Variants in TMEM132C observed in about 807,000 individuals in gnomAD.
The protein encoded by TMEM132C is protein phosphatase 1, regulatory subunit 152.
A neutral mutation model predicts 61.4 loss-of-function variants in TMEM132C; 29 were observed. That is an observed-to-expected ratio of 0.47 (90% confidence interval 0.35 to 0.64). The LOEUF (loss-of-function observed/expected upper bound fraction) is 0.64. Among genes scored for constraint, TMEM132C ranks in the 30% least tolerant of loss-of-function variants. TMEM132C has a pLI of 0.00. For missense variants in TMEM132C, 1,408 were observed against 1,476.9 expected (o/e 0.95, Z 0.76); for synonymous variants, 656 against 633.1 (o/e 1.04, Z -0.54).
chr12:128,703,679 C>T (rs916411271), intron 8 of TMEM132C, among the ~76,000 whole-genome samples: 13 of 152,330 alleles, frequency 8.5e-5, no homozygotes, highest in African/African-American at 1.9e-4. Flanking sequence ...TTTGTGTCTT[C>T]GCTATTGTGA....
rs964423061 is a variant in TMEM132C at position 128,326,291 on chromosome 12, T to C, written c.85+58804T>C. On this transcript the variant is annotated intron_variant, in intron 1 of 8. Transcript: ENST00000435159. The surrounding 1 kb of genome is among the most constrained non-coding windows in gnomAD (Gnocchi z 5.6). ...CACTCCATGAACCCCCCAGCCTCCC[T>C]GGGCTCTTCTCCGTGTCCGATTCTC... Among the ~76,000 whole-genome samples the C allele has an allele frequency of 6.6e-6, 1 of 152,174 alleles. No homozygotes were observed. The highest frequency in any genetic ancestry group is 2.4e-5 in the African/African-American group (1 of 41,450).
rs891822993 is a variant in TMEM132C, at chr12:128,467,987, G to A, written c.974+52367G>A. On this transcript the variant is annotated intron_variant, in intron 2 of 8. Coordinates refer to ENST00000435159, the MANE Select transcript of TMEM132C (RefSeq NM_001136103.3). ...TGAACCTATGATAAACATGTGCTCT[G>A]TGATGCAGTGTGCAAGGACATCACT... Among the ~76,000 whole-genome samples, 6 of 152,356 alleles carry A rather than the reference G, an allele frequency of 3.9e-5. No individual in the cohort carries two copies. In the East Asian group the frequency reaches 1.2e-3, roughly 29 times the overall value.
chr12:128,361,819 T>C (rs1367662947), intron 1 of TMEM132C, among the ~76,000 whole-genome samples: 3 of 152,172 alleles, frequency 2.0e-5, no homozygotes, highest in Non-Finnish European at 4.4e-5. Context: ...ATAAGCTTTT[T>C]CTTCTAAGGA....
intron 2 of TMEM132C, among the ~76,000 whole-genome samples, chr12:128,455,699 T>C (rs1157274489): frequency 6.6e-6 from 1 of 152,192 alleles, no homozygotes; most frequent in Admixed American, 6.5e-5. Context: ...ACATCCATTG[T>C]ATTGGTGTTT....
chr12:128,300,741 A>G (rs1400200888), intron 1 of TMEM132C, among the ~76,000 whole-genome samples: 1 of 152,164 alleles, frequency 6.6e-6, no homozygotes, highest in Non-Finnish European at 1.5e-5. Flanking sequence ...GCGCCTATTA[A>G]AAACTCAGGC....
chr12:128,289,070 A>T (rs1160574978), intron 1 of TMEM132C: 1 of 152,262 alleles, frequency 6.6e-6, no homozygotes, highest in East Asian at 1.9e-4. Flanking sequence ...ACACTCATGA[A>T]CACACATGCA....
At chr12:128,447,174 CT>C (rs1340665668) in intron 2 of TMEM132C, among the ~76,000 whole-genome samples, 2 of 152,166 alleles carry the variant, frequency 1.3e-5, no homozygotes, top group Non-Finnish European at 2.9e-5. Flanking sequence ...GTGATCGCCC[CT>C]GTCCCTCCTG....
intron 2 of TMEM132C, among the ~76,000 whole-genome samples, chr12:128,435,810 A>G (rs1346524058): frequency 2.0e-5 from 3 of 152,244 alleles, no homozygotes; most frequent in East Asian, 3.8e-4. Flanking sequence ...TAAAGTTTAT[A>G]TGGAACCAAA....
At chr12:128,693,799 C>A in intron 5 of TMEM132C, 30 bp from the exon 6 acceptor site, 1 of 1,550,724 alleles carries the variant, frequency 6.4e-7, no homozygotes, top group South Asian at 1.2e-5. Context: ...ATGAACTTCT[C>A]CTCCATCCTT....
chr12:128,620,831 A>G (rs1953957117), intron 4 of TMEM132C, among the ~76,000 whole-genome samples: 1 of 152,064 alleles, frequency 6.6e-6, no homozygotes, highest in Non-Finnish European at 1.5e-5. Flanking sequence ...CAAAATTCCT[A>G]GAACATGTTC....
Position 128,267,461 on chromosome 12 carries a change from T to C in TMEM132C, c.59T>C (p.Leu20Pro), listed in dbSNP as rs1870345840. The change falls in exon 1 of 9, where the codon CTG (leucine) becomes CCG (proline). Residue 20 changes from leucine (L) to proline (P), a missense_variant. Coordinates refer to ENST00000435159, the MANE Select transcript of TMEM132C (RefSeq NM_001136103.3). ...GCGCCGCTGTGCGGGGCGCTGAGCCTGCTGCTGGGCGCGCTGCTGGGCAAA... is the reference window on the plus strand; with the variant it reads ...GCGCCGCTGTGCGGGGCGCTGAGCCCGCTGCTGGGCGCGCTGCTGGGCAAA... ...PAAPLCGALS[L>P]LLGALLGKVI... 10 of 1,269,866 alleles carry C rather than the reference T, an allele frequency of 7.9e-6. No individual in the cohort carries two copies. The highest frequency in any genetic ancestry group is 9.9e-6 in the Non-Finnish European group (10 of 1,009,920). The allele number at this position is 1,269,866 out of a possible 1,614,324, so 78.7% of individuals were successfully genotyped here.
Position 128,419,575 on chromosome 12 carries a change from G to GTT in TMEM132C, c.974+3970_974+3971dup, listed in dbSNP as rs72349303. On this transcript the variant is annotated intron_variant, in intron 2 of 8. Coordinates refer to ENST00000435159, the MANE Select transcript of TMEM132C (RefSeq NM_001136103.3). ...CATCCTGACAGCACCTACTAATCTT[G>GTT]TTTTTTTTTTTTTTTTGGCGAAAGG... Among the ~76,000 whole-genome samples, 5 of 136,194 alleles carry GTT rather than the reference G, an allele frequency of 3.7e-5. No homozygotes were observed. In the South Asian group the frequency reaches 7.2e-4, roughly 20 times the overall value. 89.3% of individuals were successfully genotyped at this position (136,194 alleles called of 152,430 possible). A position where few individuals can be genotyped will look rare whatever the true frequency, so the allele number is the denominator to read the frequency against.
At chr12:128,534,165 T>A (rs780241980) in intron 2 of TMEM132C, among the ~76,000 whole-genome samples, 1 of 152,230 alleles carries the variant, frequency 6.6e-6, no homozygotes, top group Middle Eastern at 3.2e-3. Flanking sequence ...CATCCCTGTG[T>A]TATACCCAAG....
At chr12:128,507,328 G>A (rs896273505) in intron 2 of TMEM132C, among the ~76,000 whole-genome samples, 4 of 151,638 alleles carry the variant, frequency 2.6e-5, no homozygotes, top group Non-Finnish European at 2.9e-5. Context: ...GATCGAGAGA[G>A]AGAAGAAACT....
intron 1 of TMEM132C, among the ~76,000 whole-genome samples, chr12:128,291,141 A>G (rs1871234442): frequency 6.6e-6 from 1 of 152,178 alleles, no homozygotes; most frequent in Non-Finnish European, 1.5e-5. Flanking sequence ...TTCTCGAGGG[A>G]CATTCTTATG....
intron 2 of TMEM132C, among the ~76,000 whole-genome samples, chr12:128,493,230 C>T (rs1871813142): frequency 6.6e-6 from 1 of 152,176 alleles, no homozygotes; most frequent in African/African-American, 2.4e-5. Flanking sequence ...GGTACCAGTA[C>T]CATGCTGTTT....
At position 128,495,054 on chromosome 12, in the gene TMEM132C, G is replaced by A. The variant is rs540057859; in HGVS notation, c.975-48903G>A. Among the ~76,000 whole-genome samples, 73 of 128,666 alleles carry A rather than the reference G, an allele frequency of 5.7e-4. 4 individuals carry two copies. Among genetic ancestry groups the A allele is most frequent in the African/African-American group, 1.4e-3 (49 of 35,696 alleles). The allele number at this position is 128,666 out of a possible 152,430, so 84.4% of individuals were successfully genotyped here. ...ATTCTGGTATGTTGTCTTTGTTCTC[G>A]TTGGTTTCAAAGAACATCTTTATTT... On this transcript the variant is annotated intron_variant, in intron 2 of 8. Coordinates refer to ENST00000435159, the MANE Select transcript of TMEM132C (RefSeq NM_001136103.3).
intron 1 of TMEM132C, among the ~76,000 whole-genome samples, chr12:128,401,934 C>T (rs1875174736): frequency 6.6e-6 from 1 of 152,168 alleles, no homozygotes; most frequent in Non-Finnish European, 1.5e-5. Flanking sequence ...TCGCCAGAGG[C>T]TGCAAATATG....
chr12:128,339,416 C>T (rs1237292985), intron 1 of TMEM132C, among the ~76,000 whole-genome samples: 1 of 152,058 alleles, frequency 6.6e-6, no homozygotes, highest in Non-Finnish European at 1.5e-5. Flanking sequence ...CCGATTTCAT[C>T]CCGCTTGCAT....
Sources: allele counts gnomAD v4.1 joint callset (sites outside exome capture counted in the v4.1 genomes callset), GRCh38; gene constraint gnomAD v4.1.1; non-coding constraint Gnocchi (gnomAD v3.1); transcripts MANE v1.5; gene names NCBI Gene and HGNC (gene_info 2026-07-23, HGNC 2026-07-21).